Variants in LIPA observed in about 807,000 individuals in gnomAD.
The protein encoded by LIPA is lysosomal acid lipase/cholesteryl ester hydrolase.
A neutral mutation model predicts 40.6 loss-of-function variants in LIPA; 26 were observed. The ratio of observed to expected loss-of-function variants is 0.64; its 90% CI spans 0.47 to 0.89. The LOEUF is 0.89. Among genes scored for constraint, LIPA ranks in the 40% least tolerant of loss-of-function variants. The pLI is 0.00. For missense variants in LIPA, 455 were observed against 479.6 expected (o/e 0.95, Z 0.48); for synonymous variants, 188 against 168.4 (o/e 1.12, Z -0.90).
At chr10:89,236,168 AC>A (rs1405177419) in intron 3 of LIPA, among the ~76,000 whole-genome samples, 2 of 152,366 alleles carry the variant, frequency 1.3e-5, no homozygotes, top group East Asian at 3.8e-4. Flanking sequence ...TAAAAAGTTA[AC>A]ATTTTCAAAA....
At chr10:89,306,301 T>A (rs777114741) in intron 1 of LIPA, 1 of 1,614,092 alleles carries the variant, frequency 6.2e-7, no homozygotes, top group South Asian at 1.1e-5. Context: ...ACGTTCAGAT[T>A]TATGTAGACA....
chr10:89,353,021 G>T (rs965019045), intron 2 of LIPA, among the ~76,000 whole-genome samples: 1 of 152,056 alleles, frequency 6.6e-6, no homozygotes, highest in African/African-American at 2.4e-5. Flanking sequence ...TAAAACTGCC[G>T]ATTCACTGAG....
upstream of LIPA, among the ~76,000 whole-genome samples, chr10:89,255,207 T>C (rs1589579977): frequency 2.6e-5 from 4 of 152,158 alleles, no homozygotes; most frequent in East Asian, 7.7e-4. Context: ...AACTAGGTAA[T>C]TTGTAAAGGA....
In LIPA at chr10:89,223,784, T is replaced by C. The variant is rs1842732034; in HGVS notation, c.722A>G (p.Lys241Arg). The C allele has an allele frequency of 1.2e-6, 2 of 1,614,068 alleles. No individual in the cohort carries two copies. Among genetic ancestry groups the C allele is most frequent in the Non-Finnish European group, 1.7e-6 (2 of 1,179,964 alleles). ...AGTGCAAACGTGGGTACCCAGCCAC[T>C]TCAAAAACGCACTCTGGGGAAGAAA... The part of the protein sequence containing the change: ...KEFLPQSAFL[K>R]WLGTHVCTHV... Residue 241 changes from lysine (K) to arginine (R), a missense_variant, in exon 7 of 10, where the codon AAG becomes AGG. By Grantham distance (26) the Lys-to-Arg change is conservative. Transcript: ENST00000336233.
chr10:89,289,808 A>G (rs55956185), intron 1 of LIPA, among the ~76,000 whole-genome samples: 30,141 of 151,840 alleles, frequency 0.2, 4,014 homozygotes, highest in East Asian at 0.66. Context: ...TTACTTTTAC[A>G]CTTACTCTTA....
chr10:89,337,531 C>T (rs1396531620), intron 1 of LIPA, among the ~76,000 whole-genome samples: 2 of 152,192 alleles, frequency 1.3e-5, no homozygotes, highest in East Asian at 1.9e-4. Flanking sequence ...TCCCGAATGG[C>T]GAGGACTACA....
intron 1 of LIPA, chr10:89,339,208 A>G: frequency 6.2e-7 from 1 of 1,614,094 alleles, no homozygotes; most frequent in Non-Finnish European, 8.5e-7. Context: ...CCATCTGGAT[A>G]ATCACCCAGA....
chr10:89,398,225 A>G (rs751542022), intron 2 of LIPA, among the ~76,000 whole-genome samples: 1 of 152,228 alleles, frequency 6.6e-6, no homozygotes, highest in African/African-American at 2.4e-5. Context: ...GCAGAGGGCA[A>G]GGAGTAGGTA....
At chr10:89,295,644 T>C (rs1184249088) in intron 1 of LIPA, among the ~76,000 whole-genome samples, 1 of 152,208 alleles carries the variant, frequency 6.6e-6, no homozygotes, top group East Asian at 1.9e-4. Flanking sequence ...CTGTAGTTGA[T>C]GTAACCCATT....
At chr10:89,269,859 G>T (rs1057433251) in intron 1 of LIPA, among the ~76,000 whole-genome samples, 14 of 152,154 alleles carry the variant, frequency 9.2e-5, no homozygotes, top group African/African-American at 3.4e-4. Flanking sequence ...GTACAGATTT[G>T]TAGGTAGCAA....
At chr10:89,318,238 G>A (rs1257650206) in intron 1 of LIPA, among the ~76,000 whole-genome samples, 1 of 152,128 alleles carries the variant, frequency 6.6e-6, no homozygotes, top group Non-Finnish European at 1.5e-5. Flanking sequence ...AATGTAAATG[G>A]GCTAAATACC....
intron 1 of LIPA, among the ~76,000 whole-genome samples, chr10:89,279,453 C>A (rs1843304819): frequency 6.6e-6 from 1 of 152,056 alleles, no homozygotes; most frequent in African/African-American, 2.4e-5. Context: ...TGCTTTCTAC[C>A]AGGTGGCAGA....
At chr10:89,272,370 T>C (rs1400574322) in intron 1 of LIPA, among the ~76,000 whole-genome samples, 4 of 152,198 alleles carry the variant, frequency 2.6e-5, no homozygotes, top group African/African-American at 9.7e-5. Flanking sequence ...GTTCCTGTGT[T>C]AGTTTGCTAA....
chr10:89,411,277 T>C (rs187164312), intron 2 of LIPA, among the ~76,000 whole-genome samples: 24 of 148,542 alleles, frequency 1.6e-4, no homozygotes, highest in Admixed American at 6.6e-4. Flanking sequence ...TGGTTCCTCC[T>C]GGGCAATTAA....
chr10:89,221,453 T>G (rs1326149164), intron 8 of LIPA, among the ~76,000 whole-genome samples: 2 of 152,190 alleles, frequency 1.3e-5, no homozygotes, highest in African/African-American at 2.4e-5. Context: ...TGGTAGCCAA[T>G]CCAAGAATTC....
intron 1 of LIPA, chr10:89,309,354 G>A (rs1843503113): frequency 6.6e-6 from 1 of 152,102 alleles, no homozygotes; most frequent in Admixed American, 6.5e-5. Flanking sequence ...AGACAAGAAG[G>A]CCCAAAATCT....
At chr10:89,252,663 G>A (rs150647249), upstream of LIPA, among the ~76,000 whole-genome samples, 507 of 152,164 alleles carry the variant, frequency 3.3e-3, 1 homozygote, top group African/African-American at 0.012. Flanking sequence ...CAAAATTAGC[G>A]GGTGTGGTGG....
intron 2 of LIPA, among the ~76,000 whole-genome samples, chr10:89,408,296 C>G (rs1841442271): frequency 6.6e-6 from 1 of 152,130 alleles, no homozygotes; most frequent in Non-Finnish European, 1.5e-5. Flanking sequence ...TATCCTTCAG[C>G]TTGATATTTT....
Position 89,220,291 on chromosome 10 carries a change from C to G in LIPA, c.894+2220G>C, listed in dbSNP as rs532019877. ...GGGAAAGCTCAGGATCTGCCTCCAG[C>G]CAGCTCAGTCACCCTCCATCATCTC... On this transcript the variant is annotated intron_variant, in intron 8 of 9. Coordinates refer to ENST00000336233, the MANE Select transcript of LIPA (RefSeq NM_000235.4). Among the ~76,000 whole-genome samples the G allele has an allele frequency of 4.0e-4, 61 of 152,272 alleles. 1 individual carries two copies. The South Asian group carries it at 0.012, about 31-fold the overall frequency.
Sources: gnomAD v4.1 joint callset for allele counts (sites outside exome capture counted in the v4.1 genomes callset) on GRCh38, gnomAD v4.1.1 for gene constraint, MANE v1.5 for transcripts, NCBI Gene and HGNC (gene_info 2026-07-23, HGNC 2026-07-21) for gene names.